The following ZC3H4 variants were observed in gnomAD, a reference collection of about 807,000 sequenced individuals.
The protein encoded by ZC3H4 is zinc finger CCCH domain-containing protein 4.
A neutral mutation model predicts 108.3 loss-of-function variants in ZC3H4; 13 were observed. The observed-to-expected ratio is 0.12, with a 90% CI of 0.08 to 0.19. ZC3H4 has a LOEUF of 0.19. ZC3H4 is among the 10% of genes least tolerant of loss of function. The pLI, the probability that ZC3H4 is intolerant of heterozygous loss-of-function variation, is 1.00. For synonymous variants in ZC3H4, 917 were observed against 749.6 expected (o/e 1.22, Z -3.65); for missense variants, 1,734 against 1,838.8 (o/e 0.94, Z 1.04).
rs755678774 is a variant in ZC3H4 at position 47,094,416 on chromosome 19, C to T, written c.354G>A (p.Ser118=). The T allele has an allele frequency of 3.2e-5, 51 of 1,614,144 alleles. No homozygotes were observed. Among genetic ancestry groups the T allele is most frequent in the Non-Finnish European group, 4.1e-5 (48 of 1,180,032 alleles). The change falls in exon 3 of 15, where the codon TCG becomes TCA. Residue 118 remains serine, a synonymous_variant. Transcript: ENST00000253048. ...KKEREKEKRR[S]KKRRKSKHKR... ...TGTGCTTGGATTTCCTCCTCTTCTT[C>T]GACCTCCTTTTCTCTTTCTCCCGCT...
intron 11 of ZC3H4, among the ~76,000 whole-genome samples, chr19:47,081,266 T>C (rs2057517256): frequency 6.6e-6 from 1 of 152,168 alleles, no homozygotes; most frequent in South Asian, 2.1e-4. Context: ...TCAGGCAGCA[T>C]TCCTTTCATT....
At chr19:47,068,569 C>T (rs1209714637) in intron 14 of ZC3H4, among the ~76,000 whole-genome samples, 1 of 152,174 alleles carries the variant, frequency 6.6e-6, no homozygotes, top group African/African-American at 2.4e-5. Flanking sequence ...CCCACTGGCT[C>T]CTGCGCTACA....
chr19:47,085,021 G>A (rs2057591613), intron 8 of ZC3H4, 35 bp downstream of exon 8: 1 of 1,611,576 alleles, frequency 6.2e-7, no homozygotes, highest in African/African-American at 1.3e-5. Context: ...AAGGGACCTT[G>A]GCCCAAACAT....
Position 47,081,638 on chromosome 19 carries a change from A to C in ZC3H4, c.1331-16T>G. The stretch of plus-strand genomic sequence containing the variant: ...GGGAAATCACGTTCATGGCAAATTA[A>C]GGTAAATGCTTCATCTCACAGAACG... On this transcript the variant is annotated splice_polypyrimidine_tract_variant and intron_variant, in intron 10 of 14. Coordinates refer to ENST00000253048, the MANE Select transcript of ZC3H4 (RefSeq NM_015168.2). The C allele has an allele frequency of 6.2e-7, 1 of 1,607,446 alleles. No individual in the cohort carries two copies. Among genetic ancestry groups the C allele is most frequent in the South Asian group, 1.1e-5 (1 of 90,934 alleles).
intron 14 of ZC3H4, among the ~76,000 whole-genome samples, 179 bp from the exon 15 acceptor site, chr19:47,068,048 C>T (rs1374598974): frequency 1.3e-5 from 2 of 152,162 alleles, no homozygotes; most frequent in East Asian, 3.8e-4. Flanking sequence ...AGAGCTAAGG[C>T]GCTCGGTTTA....
intron 2 of ZC3H4, among the ~76,000 whole-genome samples, chr19:47,102,121 A>G (rs2057911963): frequency 1.3e-5 from 2 of 152,206 alleles, no homozygotes; most frequent in South Asian, 4.1e-4. Context: ...GCAGTTATTT[A>G]ATAATTTCCC....
chr19:47,088,196 C>T lies in ZC3H4; in HGVS notation c.716-1658G>A, dbSNP rs577493077. ...TCAAATAAATAAATAAATAAATAAG[C>T]TGGGTGTGGTGGCACATGCCTGTAA... is the stretch of plus-strand genomic sequence containing the variant. On this transcript the variant is annotated intron_variant, in intron 5 of 14. Transcript: ENST00000253048. 1.1e-4 allele frequency among the ~76,000 whole-genome samples: 16 copies of T among 151,950 alleles called. 1 individual carries two copies. In the South Asian group the frequency reaches 3.3e-3, roughly 32 times the overall value.
chr19:47,083,982 T>G (rs560053527), intron 9 of ZC3H4, among the ~76,000 whole-genome samples: 1 of 152,260 alleles, frequency 6.6e-6, no homozygotes, highest in Non-Finnish European at 1.5e-5. Flanking sequence ...TCTGTTTGGA[T>G]GCTTTAATCA....
chr19:47,112,216 G>T (rs545269619), intron 2 of ZC3H4: 44 of 1,194,652 alleles, frequency 3.7e-5, no homozygotes, highest in South Asian at 3.0e-4. Context: ...CGCCGCGAGG[G>T]GGGGGAAACG....
rs758300192 is a variant in ZC3H4 at position 47,066,407 on chromosome 19, C to T, written c.3861G>A (p.Leu1287=). 1.9e-6 allele frequency: 3 copies of T among 1,572,874 alleles called. No individual in the cohort carries two copies. The Admixed American group carries it at 5.7e-5, about 30-fold the overall frequency. Residue 1287 remains leucine, a synonymous_variant, in exon 15 of 15, where the codon CTG becomes CTA. Transcript: ENST00000253048. ...GGTCGAAGCCTTTAAAAACATCCTT[C>T]AGGGATGCCGCATCCTGCTCACCCT... ...AREGEQDAAS[L]KDVFKGFDPT...
intron 2 of ZC3H4, among the ~76,000 whole-genome samples, chr19:47,110,548 T>C (rs2058024629): frequency 6.6e-6 from 1 of 152,068 alleles, no homozygotes. Flanking sequence ...CTCTCAAGCA[T>C]CACTTTGGTC....
chr19:47,092,851 C>T (rs62138261), intron 4 of ZC3H4, among the ~76,000 whole-genome samples: 12 of 110,714 alleles, frequency 1.1e-4, no homozygotes, highest in Non-Finnish European at 1.1e-4. Context: ...AATAAATAAA[C>T]AAACAAGACA....
intron 2 of ZC3H4, among the ~76,000 whole-genome samples, chr19:47,097,764 C>T (rs908342519): frequency 3.0e-4 from 46 of 152,144 alleles, no homozygotes; most frequent in African/African-American, 1.1e-3. Context: ...GTGGGGGAAG[C>T]CCCACCGCGC....
chr19:47,069,244 G>A lies in ZC3H4; in HGVS notation c.2246C>T (p.Pro749Leu), dbSNP rs2057281542. 3.1e-6 allele frequency: 5 copies of A among 1,613,472 alleles called. No homozygotes were observed. The South Asian group carries it at 4.4e-5, about 14-fold the overall frequency. The change falls in exon 14 of 15, where the codon CCA becomes CTA. Residue 749 changes from proline (P) to leucine (L), a missense_variant. Physicochemically the swap from Pro to Leu is moderately conservative, Grantham distance 98. This residue lies in a region of ZC3H4 where 540 missense variants were observed against 484.1 expected (regional missense o/e 1.12). Coordinates refer to ENST00000253048, the MANE Select transcript of ZC3H4 (RefSeq NM_015168.2). Reference sequence around the variant, plus strand: ...ACCGGCGCCTGGCTTCGGCCGGCCTGGGGGCCCTCCCTCAGAGAAGCTGTC... The same window carrying A: ...ACCGGCGCCTGGCTTCGGCCGGCCTAGGGGCCCTCCCTCAGAGAAGCTGTC... ...EPDSFSEGGP[P>L]GRPKPGAGVP...
In ZC3H4 at chr19:47,100,294, GT is replaced by G. The variant is rs377133979; in HGVS notation, c.162-5687del. 2.9e-3 allele frequency among the ~76,000 whole-genome samples: 436 copies of G among 152,252 alleles called. 2 individuals are homozygous for G. Among genetic ancestry groups the G allele is most frequent in the African/African-American group, 1.0e-2 (415 of 41,550 alleles). On this transcript the variant is annotated intron_variant, in intron 2 of 14. Coordinates refer to ENST00000253048, the MANE Select transcript of ZC3H4 (RefSeq NM_015168.2). ...GGAAATTCTTGAAATAAACCTCTGGGTCTTGCACATGCTTTTCAGTGTCCTT... is the reference window on the plus strand; with the variant it reads ...GGAAATTCTTGAAATAAACCTCTGGGCTTGCACATGCTTTTCAGTGTCCTT...
chr19:47,112,901 T>C (rs1481826628), intron 1 of ZC3H4, among the ~76,000 whole-genome samples: 1 of 149,512 alleles, frequency 6.7e-6, no homozygotes, highest in Non-Finnish European at 1.5e-5. Context: ...TGGTGGGTGG[T>C]TGGGTGTAAT....
intron 5 of ZC3H4, 101 bp downstream of exon 5, chr19:47,089,866 A>T (rs2057699654): frequency 1.1e-5 from 14 of 1,235,024 alleles, no homozygotes; most frequent in East Asian, 2.4e-5. Flanking sequence ...ACTTATCCCA[A>T]CCCTAAGTGA....
chr19:47,071,459 C>A (rs2057324655), intron 13 of ZC3H4, among the ~76,000 whole-genome samples: 1 of 152,198 alleles, frequency 6.6e-6, no homozygotes, highest in Non-Finnish European at 1.5e-5. Flanking sequence ...AGGCCACTAA[C>A]TGAGTCCTGA....
intron 4 of ZC3H4, among the ~76,000 whole-genome samples, chr19:47,090,931 CT>C (rs1255687601): frequency 6.6e-6 from 1 of 152,162 alleles, no homozygotes; most frequent in Non-Finnish European, 1.5e-5. Flanking sequence ...AACTCTACTA[CT>C]ACCTGCTCAA....
Sources: gnomAD v4.1 joint callset for allele counts (sites outside exome capture counted in the v4.1 genomes callset) on GRCh38, gnomAD v4.1.1 for gene constraint, gnomAD v4.1.1 regional missense constraint, MANE v1.5 for transcripts, NCBI Gene and HGNC (gene_info 2026-07-23, HGNC 2026-07-21) for gene names.